The following ZBTB16 variants were observed in gnomAD, a reference collection of about 807,000 sequenced individuals.
ZBTB16 encodes the protein zinc finger and BTB domain-containing protein 16.
A neutral mutation model predicts 56.8 loss-of-function variants in ZBTB16; 8 were observed. That is an observed-to-expected ratio of 0.14 (90% confidence interval 0.08 to 0.25). ZBTB16 has a LOEUF of 0.25. Among genes scored for constraint, ZBTB16 ranks in the 10% least tolerant of loss-of-function variants. ZBTB16 has a pLI of 1.00. For synonymous variants in ZBTB16, 363 were observed against 368.5 expected (o/e 0.98, Z 0.17); for missense variants, 625 against 903.0 (o/e 0.69, Z 3.95).
In ZBTB16 at chr11:114,256,580, C is replaced by A. The variant is rs1018963093; in HGVS notation, c.*6025C>A. Among the ~76,000 whole-genome samples, 119 of 152,274 alleles carry A rather than the reference C, an allele frequency of 7.8e-4. No homozygotes were observed. The highest frequency in any genetic ancestry group is 1.6e-3 in the African/African-American group (67 of 41,554). The stretch of plus-strand genomic sequence containing the variant: ...TTCAACTGACTCCTTAGTGGCTAAG[C>A]AAGCTTCAGAAATTTCTCAACAAGA... On this transcript the variant is annotated 3_prime_UTR_variant, in exon 7 of 7. Transcript: ENST00000335953.
At chr11:114,167,901 C>A (rs891947546) in intron 3 of ZBTB16, among the ~76,000 whole-genome samples, 2 of 152,182 alleles carry the variant, frequency 1.3e-5, no homozygotes, top group African/African-American at 4.8e-5. Flanking sequence ...TGGTGCCCGA[C>A]CGGCGAGCGT....
In ZBTB16 at chr11:114,159,956, T is replaced by A. The variant is rs561246415; in HGVS notation, c.1366+3522T>A. Among the ~76,000 whole-genome samples the A allele has an allele frequency of 3.7e-3, 499 of 136,400 alleles. 22 individuals are homozygous for A. The highest frequency in any genetic ancestry group is 0.013 in the African/African-American group (410 of 32,800). The allele number at this position is 136,400 out of a possible 152,430, so 89.5% of individuals were successfully genotyped here. A position where few individuals can be genotyped will look rare whatever the true frequency, so the allele number is the denominator to read the frequency against. ...GGGAGGCGGGGGGGAGGCGAGCATT[T>A]TTTTTCAAAAGGCGCAGGCTGTGGA... On this transcript the variant is annotated intron_variant, in intron 3 of 6. Coordinates refer to ENST00000335953, the MANE Select transcript of ZBTB16 (RefSeq NM_006006.6).
At chr11:114,150,719 G>A (rs1942259125) in intron 2 of ZBTB16, among the ~76,000 whole-genome samples, 1 of 152,212 alleles carries the variant, frequency 6.6e-6, no homozygotes, top group South Asian at 2.1e-4. Context: ...GGAAGAGTGA[G>A]CCCATTGCTA....
intron 3 of ZBTB16, among the ~76,000 whole-genome samples, chr11:114,164,795 C>G (rs1942696942): frequency 6.6e-6 from 1 of 152,100 alleles, no homozygotes; most frequent in African/African-American, 2.4e-5. Flanking sequence ...GCTACTGCGG[C>G]CCTTACTTTC....
In ZBTB16 at chr11:114,242,243, G is replaced by T; in HGVS notation, c.1530G>T (p.Glu510Asp). The T allele has an allele frequency of 6.2e-7, 1 of 1,614,016 alleles. No individual in the cohort carries two copies. The highest frequency in any genetic ancestry group is 8.5e-7 in the Non-Finnish European group (1 of 1,180,016). The change falls in exon 5 of 7, where the codon GAG (glutamate) becomes GAT (aspartate). Residue 510 changes from glutamate (E) to aspartate (D), a missense_variant. This residue lies in a region of ZBTB16 where 140 missense variants were observed against 214.8 expected (regional missense o/e 0.65). Coordinates refer to ENST00000335953, the MANE Select transcript of ZBTB16 (RefSeq NM_006006.6). ...AGAGCGCACTGCAGCAGCACATGGA[G>T]GTCCACGCGGGCGTGCGCAGCTACA... ...QAQSALQQHM[E>D]VHAGVRSYIC...
chr11:114,095,245 C>CTTTTCTTTTCTTTTCTTTTCT (rs1555132749), intron 2 of ZBTB16, among the ~76,000 whole-genome samples: 1 of 90,480 alleles, frequency 1.1e-5, no homozygotes, highest in Non-Finnish European at 2.0e-5. Flanking sequence ...CTTTTCTTTT[C>CTTTTCTTTTCTTTTCTTTTCT]TTTTTTTTTT....
intron 4 of ZBTB16, chr11:114,209,590 A>G: frequency 1.0e-6 from 1 of 985,414 alleles, no homozygotes; most frequent in South Asian, 4.7e-5. Flanking sequence ...CATTTCTTGC[A>G]AGGCAACTGC....
At position 114,249,788 on chromosome 11, in the gene ZBTB16, A is replaced by AAAAAAAAAG. The variant is rs909350435; in HGVS notation, c.1793-537_1793-536insAAAAAAAGA. ...CTCCGTCTCAAAAAAAAAAAAAAAA[A>AAAAAAAAAG]AGAGAGCTTTAGCAGGATAGGTGTC... is the stretch of plus-strand genomic sequence containing the variant. On this transcript the variant is annotated intron_variant, in intron 6 of 6. Transcript: ENST00000335953. Among the ~76,000 whole-genome samples, 10 of 148,592 alleles carry AAAAAAAAAG rather than the reference A, an allele frequency of 6.7e-5. No homozygotes were observed. The East Asian group carries it at 1.4e-3, about 21-fold the overall frequency.
rs570614491 is a variant in ZBTB16 at position 114,252,533 on chromosome 11, G to A, written c.*1978G>A. ...CTCCCTCTTTTCCCCAACCTCCCCC[G>A]ACCCTCCTGAATTTTGGAAAGCACA... On this transcript the variant is annotated 3_prime_UTR_variant, in exon 7 of 7. Coordinates refer to ENST00000335953, the MANE Select transcript of ZBTB16 (RefSeq NM_006006.6). Among the ~76,000 whole-genome samples the A allele has an allele frequency of 3.5e-4, 53 of 151,986 alleles. No individual in the cohort carries two copies. The highest frequency in any genetic ancestry group is 1.0e-3 in the Admixed American group (16 of 15,266).
intron 3 of ZBTB16, among the ~76,000 whole-genome samples, chr11:114,159,940 G>GGGC (rs1555145935): frequency 5.4e-5 from 8 of 148,062 alleles, no homozygotes; most frequent in African/African-American, 2.0e-4. Context: ...GGGGAGGCGG[G>GGGC]GGGGAGGCGA....
intron 4 of ZBTB16, among the ~76,000 whole-genome samples, chr11:114,215,685 G>T (rs973895915): frequency 6.6e-6 from 1 of 152,214 alleles, no homozygotes; most frequent in South Asian, 2.1e-4. Flanking sequence ...ACTGATAACT[G>T]TCCATCTCTG....
chr11:114,209,343 G>A (rs76581393), intron 4 of ZBTB16: 20,046 of 980,632 alleles, frequency 0.02, 242 homozygotes, highest in Non-Finnish European at 0.022. Flanking sequence ...TACTAATCCC[G>A]TTCCTTTCTT....
chr11:114,160,609 T>C (rs569683754), intron 3 of ZBTB16, among the ~76,000 whole-genome samples: 10 of 152,346 alleles, frequency 6.6e-5, no homozygotes, highest in African/African-American at 2.4e-4. Context: ...TGAGAGACAG[T>C]GCCTTCCCTT....
chr11:114,075,746 T>C (rs772599078), intron 2 of ZBTB16, among the ~76,000 whole-genome samples: 11 of 152,042 alleles, frequency 7.2e-5, no homozygotes, highest in Non-Finnish European at 1.3e-4. Context: ...GCTGGGATTA[T>C]AGGTGTGAGC....
intron 2 of ZBTB16, among the ~76,000 whole-genome samples, chr11:114,083,390 T>G (rs1939843962): frequency 6.6e-6 from 1 of 152,166 alleles, no homozygotes; most frequent in Admixed American, 6.5e-5. Flanking sequence ...GGAGGCTAGC[T>G]TTAAGAAATT....
chr11:114,137,454 A>G (rs1941828721), intron 2 of ZBTB16, among the ~76,000 whole-genome samples: 1 of 152,214 alleles, frequency 6.6e-6, no homozygotes, highest in African/African-American at 2.4e-5. Flanking sequence ...CAGCCTCACC[A>G]GAGAAGGAAC....
rs1260194872 is a variant in ZBTB16 at position 114,219,032 on chromosome 11, ATGTGCG to A, written c.1454-23129_1454-23124del. Among the ~76,000 whole-genome samples the A allele has an allele frequency of 8.5e-5, 13 of 152,120 alleles. No homozygotes were observed. The South Asian group carries it at 2.7e-3, about 32-fold the overall frequency. ...GTGAGAGCCGTGTGTGTGTGTGTGC[ATGTGCG>A]TGTGCACGCCCATGTGCTGGCATGT... On this transcript the variant is annotated intron_variant, in intron 4 of 6. Transcript: ENST00000335953.
chr11:114,181,276 A>G lies in ZBTB16; in HGVS notation c.1367-5676A>G, dbSNP rs151026769. On this transcript the variant is annotated intron_variant, in intron 3 of 6. Transcript: ENST00000335953. ...TGTATATCTACCCACCAGCTGTAGG[A>G]TGGAGCACTTTCCCCACCTTGTCGC... Among the ~76,000 whole-genome samples the G allele has an allele frequency of 6.0e-3, 911 of 152,306 alleles. 9 individuals are homozygous for G. The highest frequency in any genetic ancestry group is 0.021 in the African/African-American group (862 of 41,554).
At chr11:114,122,342 A>C (rs551741960) in intron 2 of ZBTB16, among the ~76,000 whole-genome samples, 3 of 152,254 alleles carry the variant, frequency 2.0e-5, no homozygotes, top group Admixed American at 2.0e-4. Flanking sequence ...GATGTTTGTC[A>C]TTTGGTCTCT....
Sources: gnomAD v4.1 joint callset for allele counts (sites outside exome capture counted in the v4.1 genomes callset) on GRCh38, gnomAD v4.1.1 for gene constraint, gnomAD v4.1.1 regional missense constraint, MANE v1.5 for transcripts, NCBI Gene and HGNC (gene_info 2026-07-23, HGNC 2026-07-21) for gene names.